Variants in CNMD observed in about 807,000 individuals in gnomAD.
CNMD encodes chondromodulin, also known as leukocyte cell-derived chemotaxin 1.
CNMD carries 30 observed loss-of-function variants against 37.5 expected under a neutral mutation model. The observed-to-expected ratio is 0.80, with a 90% CI of 0.60 to 1.09. The LOEUF (loss-of-function observed/expected upper bound fraction) is 1.09, where lower values mean the gene tolerates loss of function less well. Among genes scored for constraint, CNMD ranks in the 50% least tolerant of loss-of-function variants. The probability of loss-of-function intolerance (pLI) is 0.00; values close to 1 mark genes in which losing one functional copy is unlikely to be tolerated. For missense variants in CNMD, 398 were observed against 423.9 expected (o/e 0.94, Z 0.54); for synonymous variants, 167 against 148.2 (o/e 1.13, Z -0.92).
At chr13:52,715,688 T>A (rs1307144435) in intron 4 of CNMD, among the ~76,000 whole-genome samples, 1 of 152,232 alleles carries the variant, frequency 6.6e-6, no homozygotes, top group Non-Finnish European at 1.5e-5. Flanking sequence ...GAACTCATCA[T>A]TTTTATGGCT....
chr13:52,710,515 G>A (rs1470839429), intron 5 of CNMD, among the ~76,000 whole-genome samples: 5 of 152,198 alleles, frequency 3.3e-5, no homozygotes, highest in African/African-American at 1.2e-4. Flanking sequence ...ATACAGCTGT[G>A]TGACACTGAT....
chr13:52,736,101 C>G (rs983518647), intron 2 of CNMD, among the ~76,000 whole-genome samples: 2 of 152,098 alleles, frequency 1.3e-5, no homozygotes, highest in African/African-American at 4.8e-5. Flanking sequence ...TCACACCATT[C>G]TCCTGCCTCA....
intron 4 of CNMD, among the ~76,000 whole-genome samples, chr13:52,722,282 T>C (rs368970614): frequency 8.5e-5 from 13 of 152,256 alleles, no homozygotes; most frequent in African/African-American, 3.1e-4. Context: ...AGCTTTTGTG[T>C]TGTTCTGTTT....
At chr13:52,711,624 C>A (rs762116771) in intron 5 of CNMD, among the ~76,000 whole-genome samples, 7 of 152,146 alleles carry the variant, frequency 4.6e-5, no homozygotes, top group Non-Finnish European at 1.0e-4. Flanking sequence ...AGCTTTGGGA[C>A]AGAATGAGAC....
Position 52,721,818 on chromosome 13 carries a change from G to A in CNMD, c.468+2179C>T, listed in dbSNP as rs576647418. Among the ~76,000 whole-genome samples, 3 of 152,292 alleles carry A rather than the reference G, an allele frequency of 2.0e-5. No individual in the cohort carries two copies. The East Asian group carries it at 5.8e-4, about 29-fold the overall frequency. The stretch of plus-strand genomic sequence containing the variant: ...TTGTTTTTAAAAATCAGGGAAAAAT[G>A]TATTTAAAAACTCAGAAAATATACT... On this transcript the variant is annotated intron_variant, in intron 4 of 6. Coordinates refer to ENST00000377962, the MANE Select transcript of CNMD (RefSeq NM_007015.3).
chr13:52,731,291 G>T (rs2138270277), intron 3 of CNMD, among the ~76,000 whole-genome samples: 1 of 152,276 alleles, frequency 6.6e-6, no homozygotes, highest in Middle Eastern at 3.4e-3. Context: ...GGTCCTTGAG[G>T]GAAGGGTCCA....
At chr13:52,720,932 T>C (rs574171440) in intron 4 of CNMD, among the ~76,000 whole-genome samples, 2 of 152,324 alleles carry the variant, frequency 1.3e-5, no homozygotes, top group East Asian at 3.9e-4. Flanking sequence ...TGCTCTGTCC[T>C]AGGGAGATGG....
chr13:52,739,660 T>C lies in CNMD; in HGVS notation c.42A>G (p.Gly14=). 6.2e-7 allele frequency: 1 copy of C among 1,614,104 alleles called. No individual in the cohort carries two copies. The highest frequency in any genetic ancestry group is 8.5e-7 in the Non-Finnish European group (1 of 1,179,998). ...NSDKVPIALV[G]PDDVEFCSPP... is the part of the protein sequence containing the mutation. ...GGCTGCAGAATTCCACGTCATCAGG[T>C]CCCACCAGGGCAATGGGAACTTTGT... Residue 14 remains glycine (G), a synonymous_variant, in exon 1 of 7, where the codon GGA becomes GGG. Coordinates refer to ENST00000377962, the MANE Select transcript of CNMD (RefSeq NM_007015.3). This position sits in a 1 kb window ranked among gnomAD's most constrained non-coding sequence, Gnocchi z 5.4.
rs376320536 is a variant in CNMD at position 52,739,688 on chromosome 13, G to T, written c.14C>A (p.Ser5Tyr). The change falls in exon 1 of 7, where the codon TCC becomes TAC. Residue 5 changes from serine (S) to tyrosine (Y), a missense_variant. By Grantham distance (144) the Ser-to-Tyr change is moderately radical (BLOSUM62 -2). Coordinates refer to ENST00000377962, the MANE Select transcript of CNMD (RefSeq NM_007015.3). The surrounding 1 kb of genome is among the most constrained non-coding windows in gnomAD (Gnocchi z 5.4). MTEN[S>Y]DKVPIALVGP... is the part of the protein sequence containing the mutation. ...CACCAGGGCAATGGGAACTTTGTCG[G>T]AGTTCTCTGTCATGTTTGCGGCGGG... 4.3e-6 allele frequency: 7 copies of T among 1,614,042 alleles called. No homozygotes were observed. The highest frequency in any genetic ancestry group is 5.9e-6 in the Non-Finnish European group (7 of 1,179,996).
intron 4 of CNMD, among the ~76,000 whole-genome samples, chr13:52,719,015 A>G (rs184297683): frequency 6.6e-6 from 1 of 152,254 alleles, no homozygotes; most frequent in Admixed American, 6.5e-5. Flanking sequence ...GTGCTCCTAT[A>G]TTGGGTGCAT....
chr13:52,725,623 T>A (rs1454973291), intron 3 of CNMD, among the ~76,000 whole-genome samples: 1 of 152,188 alleles, frequency 6.6e-6, no homozygotes, highest in African/African-American at 2.4e-5. Context: ...CTGCTGTTAG[T>A]TTCAGGACTA....
intron 3 of CNMD, among the ~76,000 whole-genome samples, chr13:52,726,963 C>T (rs944232584): frequency 6.6e-6 from 1 of 152,096 alleles, no homozygotes; most frequent in African/African-American, 2.4e-5. Context: ...ACAATATACA[C>T]TTAAAAGATT....
intron 4 of CNMD, among the ~76,000 whole-genome samples, chr13:52,717,733 A>G (rs962199116): frequency 5.3e-5 from 8 of 152,208 alleles, no homozygotes; most frequent in Admixed American, 1.3e-4. Flanking sequence ...ATGCTGCTGC[A>G]TTCAGTTTGC....
At chr13:52,720,413 G>A (rs899707012) in intron 4 of CNMD, among the ~76,000 whole-genome samples, 2 of 152,126 alleles carry the variant, frequency 1.3e-5, no homozygotes, top group East Asian at 1.9e-4. Flanking sequence ...GAGAAGAGGC[G>A]TTCTGGTTTT....
intron 4 of CNMD, among the ~76,000 whole-genome samples, chr13:52,716,194 G>A (rs1202414894): frequency 6.6e-6 from 1 of 151,962 alleles, no homozygotes; most frequent in East Asian, 1.9e-4. Flanking sequence ...TTTTGATGGG[G>A]TTGTTTCTTT....
chr13:52,708,644 T>C lies in CNMD; in HGVS notation c.681A>G (p.Arg227=). ...VRKIVPTTTK[R]PHSGPRSNPG... ...GGTTGCTCCGTGGTCCACTGTGTGG[T>C]CTTTTTGTGGTAGTTGGAACAATTT... The change falls in exon 6 of 7, where the codon AGA becomes AGG. Residue 227 remains arginine, a synonymous_variant. Coordinates refer to ENST00000377962, the MANE Select transcript of CNMD (RefSeq NM_007015.3). 3 of 1,613,516 alleles carry C rather than the reference T, an allele frequency of 1.9e-6. No homozygotes were observed. Among genetic ancestry groups the C allele is most frequent in the Non-Finnish European group, 2.5e-6 (3 of 1,179,866 alleles).
rs1776811241 is a variant in CNMD, at chr13:52,711,756, A to T, written c.622+960T>A. On this transcript the variant is annotated intron_variant, in intron 5 of 6. Coordinates refer to ENST00000377962, the MANE Select transcript of CNMD (RefSeq NM_007015.3). ...AAATTTACCATGTTAACCATTTTTA[A>T]GTGTACAGTTCAGTGGCATGAAGTA... Among the ~76,000 whole-genome samples, 3 of 152,228 alleles carry T rather than the reference A, an allele frequency of 2.0e-5. 1 individual carries two copies. The South Asian group carries it at 6.2e-4, about 32-fold the overall frequency.
chr13:52,723,181 T>C (rs1458874587), intron 4 of CNMD, among the ~76,000 whole-genome samples: 1 of 152,166 alleles, frequency 6.6e-6, no homozygotes, highest in Admixed American at 6.5e-5. Context: ...AGCCTCAATC[T>C]CCTGGGCTCA....
At chr13:52,735,987 G>A (rs1183558907) in intron 2 of CNMD, among the ~76,000 whole-genome samples, 3 of 150,348 alleles carry the variant, frequency 2.0e-5, no homozygotes, top group Non-Finnish European at 4.4e-5. Context: ...GCGCCACCAC[G>A]CCCAGCTAAT....
Sources: allele counts gnomAD v4.1 joint callset (sites outside exome capture counted in the v4.1 genomes callset), GRCh38; gene constraint gnomAD v4.1.1; non-coding constraint Gnocchi (gnomAD v3.1); transcripts MANE v1.5; gene names NCBI Gene and HGNC (gene_info 2026-07-23, HGNC 2026-07-21).